Variants in DDX11 observed in about 807,000 individuals in gnomAD.
The protein encoded by DDX11 is DEAD/H-box helicase 11, also known as ATP-dependent DNA helicase DDX11.
In DDX11, 72 loss-of-function variants were observed where a neutral mutation model predicts 125.2. The ratio of observed to expected loss-of-function variants is 0.58; its 90% CI spans 0.48 to 0.70. DDX11 has a LOEUF of 0.70. DDX11 is among the 30% of genes least tolerant of loss of function. The probability of loss-of-function intolerance (pLI) is 0.00; values close to 1 mark genes in which losing one functional copy is unlikely to be tolerated. For missense variants in DDX11, 883 were observed against 1,165.0 expected (o/e 0.76, Z 3.52); for synonymous variants, 347 against 452.6 (o/e 0.77, Z 2.96).
At chr12:31,077,602 C>T (rs1056468346) in intron 1 of DDX11, among the ~76,000 whole-genome samples, 12 of 152,016 alleles carry the variant, frequency 7.9e-5, no homozygotes, top group African/African-American at 2.9e-4. Flanking sequence ...AATCCCAGCA[C>T]TTCGGGAGGC....
chr12:31,097,110 C>G, intron 17 of DDX11, 120 bp downstream of exon 17: 2 of 1,373,192 alleles, frequency 1.5e-6, no homozygotes, highest in Non-Finnish European at 2.0e-6. Context: ...TAGGAGGAAG[C>G]AGTGCAGTGG....
chr12:31,103,795 C>G lies in DDX11; in HGVS notation c.2692-12C>G, dbSNP rs768023710. 1.2e-5 allele frequency: 20 copies of G among 1,613,836 alleles called. No individual in the cohort carries two copies. The South Asian group carries it at 2.0e-4, about 16-fold the overall frequency. ...CCGAGATCACATTTCTCACTGCCTT[C>G]TGTCTGCCCAGTTTCACCGGGAGAA... On this transcript the variant is annotated splice_polypyrimidine_tract_variant and intron_variant, in intron 26 of 26. Coordinates refer to ENST00000542838, the MANE Select transcript of DDX11 (RefSeq NM_030653.4).
At chr12:31,080,971 C>T (rs1941796863) in intron 2 of DDX11, among the ~76,000 whole-genome samples, 1 of 152,036 alleles carries the variant, frequency 6.6e-6, no homozygotes. Flanking sequence ...TCTTAAACCC[C>T]TAGGCTCAAG....
At chr12:31,100,728 TG>T (rs1303026386) in intron 19 of DDX11, 21 bp downstream of exon 19, 1 of 1,551,042 alleles carries the variant, frequency 6.4e-7, no homozygotes, top group South Asian at 1.2e-5. Flanking sequence ...GTGCCCAGGG[TG>T]GGGCAGGCTA....
In DDX11 at chr12:31,104,297, G is replaced by A; in HGVS notation, c.*461G>A. 1.9e-6 allele frequency: 1 copy of A among 525,016 alleles called. No individual in the cohort carries two copies. Among genetic ancestry groups the A allele is most frequent in the Non-Finnish European group, 3.2e-6 (1 of 312,066 alleles). 32.5% of individuals were successfully genotyped at this position (525,016 alleles called of 1,614,324 possible). A position where few individuals can be genotyped will look rare whatever the true frequency, so the allele number is the denominator to read the frequency against. ...TCACTCTCTGGTCTCAATTTAAAAT[G>A]ATCCATGGCCACAGGGCTCCTGCCC... On this transcript the variant is annotated 3_prime_UTR_variant, in exon 27 of 27. Coordinates refer to ENST00000542838, the MANE Select transcript of DDX11 (RefSeq NM_030653.4).
intron 6 of DDX11, among the ~76,000 whole-genome samples, chr12:31,088,806 C>A (rs1378429924): frequency 6.6e-6 from 1 of 152,216 alleles, no homozygotes; most frequent in Admixed American, 6.5e-5. Flanking sequence ...GGATATGACT[C>A]GTGGAAGGAG....
Position 31,096,621 on chromosome 12 carries a change from C to G in DDX11, c.1522-16C>G. 2 of 1,612,696 alleles carry G rather than the reference C, an allele frequency of 1.2e-6. No individual in the cohort carries two copies. Among genetic ancestry groups the G allele is most frequent in the Non-Finnish European group, 1.7e-6 (2 of 1,179,820 alleles). The stretch of plus-strand genomic sequence containing the variant: ...GTACCTCGTTCCTCTCCACTGCTCT[C>G]TCTCATCCCACCCAGCTCTTTGGAT... On this transcript the variant is annotated splice_polypyrimidine_tract_variant and intron_variant, in intron 15 of 26. Transcript: ENST00000542838.
chr12:31,094,302 C>T, intron 12 of DDX11: 2 of 416,430 alleles, frequency 4.8e-6, no homozygotes, highest in South Asian at 4.2e-5. Context: ...GCCCTGCATA[C>T]CTTGGTCTGG....
chr12:31,100,814 C>G, intron 19 of DDX11, 107 bp downstream of exon 19: 2 of 1,315,446 alleles, frequency 1.5e-6, no homozygotes, highest in Non-Finnish European at 1.1e-6. Flanking sequence ...GGAGGAGACC[C>G]CGGGGTGGGA....
chr12:31,078,839 C>T (rs1258091479), intron 2 of DDX11, among the ~76,000 whole-genome samples: 2 of 152,066 alleles, frequency 1.3e-5, no homozygotes, highest in African/African-American at 2.4e-5. Context: ...AGGTGCCCGC[C>T]GCCACGCCCG....
intron 1 of DDX11, among the ~76,000 whole-genome samples, chr12:31,076,076 C>G (rs1345794427): frequency 1.3e-5 from 2 of 152,172 alleles, no homozygotes; most frequent in African/African-American, 4.8e-5. Flanking sequence ...GGCTGGGAGC[C>G]TGACCAGTCT....
At chr12:31,099,901 C>G (rs1485955558) in intron 18 of DDX11, among the ~76,000 whole-genome samples, 1 of 152,100 alleles carries the variant, frequency 6.6e-6, no homozygotes, top group Non-Finnish European at 1.5e-5. Flanking sequence ...TCTTTTTCCC[C>G]TAAATAAGCA....
chr12:31,082,480 G>C (rs1174583360), intron 2 of DDX11, among the ~76,000 whole-genome samples: 1 of 152,086 alleles, frequency 6.6e-6, no homozygotes, highest in East Asian at 1.9e-4. Flanking sequence ...TGGAGTTTGA[G>C]ACTCTGACTC....
At position 31,094,800 on chromosome 12, in the gene DDX11, T is replaced by A; in HGVS notation, c.1460T>A (p.Ile487Asn). 1.2e-6 allele frequency: 2 copies of A among 1,613,354 alleles called. No individual in the cohort carries two copies. Among genetic ancestry groups the A allele is most frequent in the Non-Finnish European group, 8.5e-7 (1 of 1,179,270 alleles). ...AACGACTTTCTCTTCCAGAGCCAGA[T>A]CGACAACATCAACCTGTTCAAGGTA... ...TINDFLFQSQ[I>N]DNINLFKVQR... The change falls in exon 14 of 27, where the codon ATC (isoleucine) becomes AAC (asparagine). Residue 487 changes from isoleucine (I) to asparagine (N), a missense_variant. This residue lies in a region of DDX11 where 241 missense variants were observed against 279.7 expected (regional missense o/e 0.86). Transcript: ENST00000542838.
chr12:31,093,950 C>T (rs7955683), intron 12 of DDX11, among the ~76,000 whole-genome samples: 74,490 of 142,738 alleles, frequency 0.52, 20,589 homozygotes, highest in East Asian at 0.81. Flanking sequence ...GTGGGTTGTT[C>T]GAAGCACTTG....
At chr12:31,078,845 G>A (rs1276642111) in intron 2 of DDX11, among the ~76,000 whole-genome samples, 2 of 151,994 alleles carry the variant, frequency 1.3e-5, no homozygotes, top group African/African-American at 2.4e-5. Context: ...CCGCCGCCAC[G>A]CCCGGCTAAT....
intron 18 of DDX11, chr12:31,100,427 T>C (rs1485022669): frequency 1.6e-5 from 8 of 489,412 alleles, no homozygotes; most frequent in Non-Finnish European, 3.0e-5. Context: ...TGGATTTCCT[T>C]TGCTGTTCCT....
intron 13 of DDX11, 37 bp from the exon 14 acceptor site, chr12:31,094,718 G>C: frequency 6.3e-7 from 1 of 1,592,472 alleles, no homozygotes; most frequent in Non-Finnish European, 8.6e-7. Flanking sequence ...GAGGCTTAGG[G>C]TGAAGCTCCC....
At chr12:31,088,032 C>T in intron 6 of DDX11, 49 bp downstream of exon 6, 1 of 1,604,010 alleles carries the variant, frequency 6.2e-7, no homozygotes, top group Non-Finnish European at 8.5e-7. Flanking sequence ...ATAGGCTGGG[C>T]TGTGCACCCC....
Sources: allele counts gnomAD v4.1 joint callset (sites outside exome capture counted in the v4.1 genomes callset), GRCh38; gene constraint gnomAD v4.1.1; regional missense constraint gnomAD v4.1.1; transcripts MANE v1.5; gene names NCBI Gene and HGNC (gene_info 2026-07-23, HGNC 2026-07-21).